The following FRMD4A variants were observed in gnomAD, a reference collection of about 807,000 sequenced individuals.
The protein encoded by FRMD4A is FERM domain-containing protein 4A.
A neutral mutation model predicts 129.1 loss-of-function variants in FRMD4A; 29 were observed. The ratio of observed to expected loss-of-function variants is 0.22; its 90% CI spans 0.17 to 0.31. FRMD4A has a LOEUF of 0.31. Ranked by LOEUF, FRMD4A falls within the 10% of genes least tolerant of loss-of-function variation. The pLI is 1.00. For synonymous variants in FRMD4A, 634 were observed against 571.6 expected, an observed-to-expected ratio of 1.11 and a Z score of -1.56; for missense variants, 1,272 against 1,375.8, an observed-to-expected ratio of 0.92 and a Z score of 1.19.
chr10:13,860,828 GGGTGCAGT>G (rs777532363), intron 2 of FRMD4A, among the ~76,000 whole-genome samples: 1 of 151,970 alleles, frequency 6.6e-6, no homozygotes, highest in Non-Finnish European at 1.5e-5. Flanking sequence ...GTCCAGGCTG[GGGTGCAGT>G]GGTATGATCT....
At chr10:13,834,728 G>C (rs1188248264) in intron 3 of FRMD4A, among the ~76,000 whole-genome samples, 1 of 152,188 alleles carries the variant, frequency 6.6e-6, no homozygotes, top group Non-Finnish European at 1.5e-5. Context: ...GGGGTGAACA[G>C]GGAACTGAGA....
intron 2 of FRMD4A, among the ~76,000 whole-genome samples, chr10:13,895,019 C>T (rs780117334): frequency 1.3e-5 from 2 of 152,180 alleles, no homozygotes; most frequent in East Asian, 1.9e-4. Flanking sequence ...GAGGATTAAA[C>T]GAGTTAATAT....
intron 2 of FRMD4A, among the ~76,000 whole-genome samples, chr10:14,017,192 C>T (rs1380990877): frequency 6.6e-6 from 1 of 152,168 alleles, no homozygotes; most frequent in Non-Finnish European, 1.5e-5. Flanking sequence ...GAATAACGCT[C>T]CTGCAAGATG....
intron 2 of FRMD4A, among the ~76,000 whole-genome samples, chr10:13,981,418 G>A (rs1201397299): frequency 6.6e-6 from 1 of 152,180 alleles, no homozygotes; most frequent in Admixed American, 6.5e-5. Flanking sequence ...ACTGAAAGGT[G>A]TATGAAAGGA....
chr10:13,745,336 T>A (rs1588527033), intron 9 of FRMD4A, among the ~76,000 whole-genome samples: 1 of 151,918 alleles, frequency 6.6e-6, no homozygotes, highest in East Asian at 1.9e-4. Flanking sequence ...GTCAGGAGGG[T>A]CCCTGTCATT....
chr10:14,178,230 T>C (rs1472552134), intron 2 of FRMD4A, among the ~76,000 whole-genome samples: 1 of 152,236 alleles, frequency 6.6e-6, no homozygotes, highest in East Asian at 1.9e-4. Flanking sequence ...GACTTAAAAG[T>C]ACATTTTAAA....
intron 2 of FRMD4A, among the ~76,000 whole-genome samples, chr10:14,157,458 T>C (rs185400447): frequency 0.023 from 3,551 of 152,314 alleles, 67 homozygotes; most frequent in Non-Finnish European, 0.036. Context: ...TTAGTGGCTG[T>C]TGAGCCTTCG....
At chr10:13,930,643 C>A (rs2095183763) in intron 2 of FRMD4A, among the ~76,000 whole-genome samples, 1 of 152,088 alleles carries the variant, frequency 6.6e-6, no homozygotes, top group African/African-American at 2.4e-5. Flanking sequence ...TGGGGGGAAA[C>A]AGACAGATAC....
rs747985355 is a variant in FRMD4A, at chr10:13,660,532, G to T, written c.1682C>A (p.Thr561Lys). 1.9e-6 allele frequency: 3 copies of T among 1,609,978 alleles called. No individual in the cohort carries two copies. The highest frequency in any genetic ancestry group is 2.5e-6 in the Non-Finnish European group (3 of 1,176,948). Residue 561 changes from threonine (T) to lysine (K), a missense_variant, in exon 20 of 25, where the codon ACA becomes AAA. By Grantham distance (78) the Thr-to-Lys change is moderately conservative (BLOSUM62 -1). Around this residue, in one of 2 missense-constraint regions of FRMD4A, gnomAD observed 972 missense variants for 892.3 expected, o/e 1.09. Coordinates refer to ENST00000357447, the MANE Select transcript of FRMD4A (RefSeq NM_018027.5). ...GTGAGGAGAATGTAGGGGGGATATT[G>T]TGCTGGTAACCTGAGAGTCTTCTGC... ...LEDEDSQVTS[T>K]ISPLHSPHKG...
intron 2 of FRMD4A, among the ~76,000 whole-genome samples, chr10:14,283,181 GC>G (rs2132063647): frequency 6.6e-6 from 1 of 152,334 alleles, no homozygotes; most frequent in African/African-American, 2.4e-5. Flanking sequence ...TCATTCACAA[GC>G]TTCTCCTTCA....
At chr10:14,094,967 T>TG (rs890721250) in intron 2 of FRMD4A, among the ~76,000 whole-genome samples, 2 of 152,014 alleles carry the variant, frequency 1.3e-5, no homozygotes, top group African/African-American at 2.4e-5. Flanking sequence ...ACCAAGAGTG[T>TG]GGGGGGGAAC....
chr10:13,968,681 T>G (rs1226233368), intron 2 of FRMD4A, among the ~76,000 whole-genome samples: 1 of 152,214 alleles, frequency 6.6e-6, no homozygotes. Flanking sequence ...CTTGAACTCA[T>G]GACCTCAGGT....
chr10:14,052,029 C>A, intron 2 of FRMD4A, among the ~76,000 whole-genome samples: 1 of 152,162 alleles, frequency 6.6e-6, no homozygotes, highest in East Asian at 1.9e-4. Flanking sequence ...AGCTGGTATT[C>A]TTGTAAGAGG....
chr10:13,782,207 A>G (rs1456213768), intron 6 of FRMD4A, among the ~76,000 whole-genome samples: 1 of 152,134 alleles, frequency 6.6e-6, no homozygotes, highest in Admixed American at 6.5e-5. Context: ...TGCTAGACCA[A>G]CTAAAAATGG....
chr10:13,935,151 C>G (rs1426565474), intron 2 of FRMD4A, among the ~76,000 whole-genome samples: 1 of 151,960 alleles, frequency 6.6e-6, no homozygotes, highest in Non-Finnish European at 1.5e-5. Flanking sequence ...GAACTGAAAA[C>G]AAATGGGCTG....
chr10:14,036,730 T>C (rs1187797064), intron 2 of FRMD4A, among the ~76,000 whole-genome samples: 1 of 152,110 alleles, frequency 6.6e-6, no homozygotes, highest in Non-Finnish European at 1.5e-5. Flanking sequence ...TTACAGGCTA[T>C]TGACCATTAT....
chr10:14,309,145 G>A (rs1003083944), intron 2 of FRMD4A, among the ~76,000 whole-genome samples: 2 of 152,142 alleles, frequency 1.3e-5, no homozygotes, highest in South Asian at 2.1e-4. Context: ...CAACAACATC[G>A]CCTGTTAAAA....
intron 2 of FRMD4A, among the ~76,000 whole-genome samples, chr10:14,018,806 A>G (rs11258801): frequency 0.62 from 93,929 of 151,992 alleles, 31,533 homozygotes; most frequent in Non-Finnish European, 0.75. Flanking sequence ...ATGCACAGGA[A>G]GAGGGGAAGA....
chr10:13,721,882 T>C (rs1340030488), intron 12 of FRMD4A, among the ~76,000 whole-genome samples: 10 of 151,316 alleles, frequency 6.6e-5, no homozygotes, highest in Non-Finnish European at 1.2e-4. Context: ...CACACACACA[T>C]ACAGAGGAAA....
Sources: allele counts gnomAD v4.1 joint callset (sites outside exome capture counted in the v4.1 genomes callset), GRCh38; gene constraint gnomAD v4.1.1; regional missense constraint gnomAD v4.1.1; transcripts MANE v1.5; gene names NCBI Gene and HGNC (gene_info 2026-07-23, HGNC 2026-07-21).